KLHL1: variants seen among roughly 807,000 people sequenced by gnomAD.
The protein encoded by KLHL1 is kelch like family member 1.
Under a neutral mutation model 77.7 loss-of-function variants are expected in KLHL1, and 47 were observed. That is an observed-to-expected ratio of 0.60 (90% CI 0.48 to 0.77). The LOEUF is 0.77. KLHL1 is among the 30% of genes least tolerant of loss of function. KLHL1 has a pLI of 0.00. For missense variants in KLHL1, 925 were observed against 910.8 expected, an observed-to-expected ratio of 1.02 and a Z score of -0.20; for synonymous variants, 360 against 325.2, an observed-to-expected ratio of 1.11 and a Z score of -1.15.
At chr13:69,910,032 T>C (rs999657331) in intron 4 of KLHL1, among the ~76,000 whole-genome samples, 2 of 152,008 alleles carry the variant, frequency 1.3e-5, no homozygotes, top group Non-Finnish European at 2.9e-5. Flanking sequence ...ATATTCCACT[T>C]CGCTATCATC....
chr13:69,713,681 A>G (rs1419808195), intron 9 of KLHL1, among the ~76,000 whole-genome samples: 2 of 152,018 alleles, frequency 1.3e-5, no homozygotes, highest in African/African-American at 4.8e-5. Flanking sequence ...TTTAGGGTAG[A>G]TCCTAATATA....
chr13:70,027,359 C>T (rs540971049), intron 1 of KLHL1, among the ~76,000 whole-genome samples: 1 of 142,912 alleles, frequency 7.0e-6, no homozygotes, highest in South Asian at 2.4e-4. Flanking sequence ...GAGCGTAAAT[C>T]CCTTTAGAGC....
At chr13:69,714,557 A>G (rs1876026312) in intron 9 of KLHL1, among the ~76,000 whole-genome samples, 1 of 151,858 alleles carries the variant, frequency 6.6e-6, no homozygotes, top group Non-Finnish European at 1.5e-5. Context: ...TTAGCACTAT[A>G]AATCCAAATT....
chr13:69,762,240 G>A (rs1392380325), intron 7 of KLHL1, among the ~76,000 whole-genome samples: 1 of 152,050 alleles, frequency 6.6e-6, no homozygotes, highest in Non-Finnish European at 1.5e-5. Context: ...AAAACTAACT[G>A]AATTAACTGA....
intron 7 of KLHL1, among the ~76,000 whole-genome samples, chr13:69,754,572 C>G (rs910416154): frequency 6.6e-6 from 1 of 152,066 alleles, no homozygotes; most frequent in African/African-American, 2.4e-5. Context: ...TTTTTAAGAA[C>G]AGGGCCTGTG....
At chr13:69,716,675 G>T (rs1876132501) in intron 9 of KLHL1, among the ~76,000 whole-genome samples, 1 of 152,150 alleles carries the variant, frequency 6.6e-6, no homozygotes, top group African/African-American at 2.4e-5. Context: ...TTACTCAGCA[G>T]TGGGACTGAT....
intron 5 of KLHL1, among the ~76,000 whole-genome samples, chr13:69,875,128 A>G (rs756842432): frequency 8.5e-5 from 13 of 152,116 alleles, no homozygotes; most frequent in Non-Finnish European, 1.9e-4. Context: ...GTCAAACACA[A>G]TTGAGATTGG....
chr13:69,990,398 C>A (rs1163983670), intron 1 of KLHL1, among the ~76,000 whole-genome samples: 1 of 151,852 alleles, frequency 6.6e-6, no homozygotes, highest in Non-Finnish European at 1.5e-5. Flanking sequence ...AAAGCAAGAG[C>A]CAGGGGTATG....
chr13:69,751,468 A>C (rs1338204016), intron 7 of KLHL1, among the ~76,000 whole-genome samples: 1 of 152,094 alleles, frequency 6.6e-6, no homozygotes, highest in South Asian at 2.1e-4. Flanking sequence ...GACTGAGCTA[A>C]TATCTGGGGG....
chr13:70,050,790 AT>A (rs371971091), intron 1 of KLHL1, among the ~76,000 whole-genome samples: 239 of 152,106 alleles, frequency 1.6e-3, no homozygotes, highest in African/African-American at 5.3e-3. Context: ...CAATTTTGCA[AT>A]ATTATTTGTC....
At chr13:69,906,858 T>C (rs1019055335) in intron 4 of KLHL1, among the ~76,000 whole-genome samples, 1 of 152,002 alleles carries the variant, frequency 6.6e-6, no homozygotes, top group African/African-American at 2.4e-5. Context: ...AGAAAAAATA[T>C]AGTTTCAATT....
chr13:69,987,990 T>C (rs1362939258), intron 1 of KLHL1, among the ~76,000 whole-genome samples: 1 of 152,002 alleles, frequency 6.6e-6, no homozygotes, highest in Non-Finnish European at 1.5e-5. Flanking sequence ...CAGTGGTACA[T>C]GTTCAGGCTT....
intron 1 of KLHL1, among the ~76,000 whole-genome samples, chr13:70,105,301 T>C (rs1018963919): frequency 4.6e-5 from 7 of 151,912 alleles, no homozygotes; most frequent in African/African-American, 1.7e-4. Context: ...GTTCTGTTAT[T>C]AGTTTTAATT....
intron 8 of KLHL1, among the ~76,000 whole-genome samples, chr13:69,737,149 A>T (rs1165412718): frequency 6.6e-6 from 1 of 152,124 alleles, no homozygotes; most frequent in Non-Finnish European, 1.5e-5. Flanking sequence ...CCTCCTTGAA[A>T]ACTATGCTTT....
chr13:70,081,090 CATTTG>C (rs1197685612), intron 1 of KLHL1, among the ~76,000 whole-genome samples: 1 of 152,086 alleles, frequency 6.6e-6, no homozygotes, highest in Non-Finnish European at 1.5e-5. Context: ...TTAAAACACA[CATTTG>C]ATTTAACAAG....
chr13:70,008,223 G>A (rs555906562), intron 1 of KLHL1, among the ~76,000 whole-genome samples: 1 of 151,896 alleles, frequency 6.6e-6, no homozygotes, highest in African/African-American at 2.4e-5. Context: ...AGTATTTATA[G>A]GTTTCTTTTG....
At chr13:69,915,597 A>C (rs557394483) in intron 4 of KLHL1, among the ~76,000 whole-genome samples, 281 of 152,294 alleles carry the variant, frequency 1.8e-3, no homozygotes, top group Non-Finnish European at 3.4e-3. Context: ...TTAATTCAAG[A>C]TGGATTAAAG....
intron 8 of KLHL1, among the ~76,000 whole-genome samples, chr13:69,738,868 C>T (rs1200436081): frequency 6.6e-6 from 1 of 152,128 alleles, no homozygotes; most frequent in Non-Finnish European, 1.5e-5. Context: ...CTTACCAAGA[C>T]AGGCCAAAAT....
chr13:69,835,321 C>T (rs1168147214), intron 6 of KLHL1, among the ~76,000 whole-genome samples: 4 of 151,984 alleles, frequency 2.6e-5, no homozygotes, highest in Non-Finnish European at 5.9e-5. Flanking sequence ...TTGCATTGCT[C>T]GTCTTACATG....
Sources: allele counts gnomAD v4.1 joint callset (sites outside exome capture counted in the v4.1 genomes callset), GRCh38; gene constraint gnomAD v4.1.1; transcripts MANE v1.5; gene names NCBI Gene and HGNC (gene_info 2026-07-23, HGNC 2026-07-21).